The following DIP2C variants were observed in gnomAD, a reference collection of about 807,000 sequenced individuals.
DIP2C encodes disco-interacting protein 2 homolog C.
In DIP2C, 33 loss-of-function variants were observed where a neutral mutation model predicts 192.4. The ratio of observed to expected loss-of-function variants is 0.17; its 90% CI spans 0.13 to 0.23. DIP2C has a LOEUF of 0.23. DIP2C is among the 10% of genes least tolerant of loss of function. DIP2C has a pLI of 1.00. For synonymous variants in DIP2C, 979 were observed against 864.1 expected, an observed-to-expected ratio of 1.13 and a Z score of -2.33; for missense variants, 1,537 against 2,110.1, an observed-to-expected ratio of 0.73 and a Z score of 5.32.
intron 1 of DIP2C, among the ~76,000 whole-genome samples, chr10:646,268 G>A (rs928420915): frequency 6.6e-5 from 9 of 136,252 alleles, no homozygotes; most frequent in Middle Eastern, 7.1e-3. Flanking sequence ...CGTGCCCCCC[G>A]CACCCTGTCC....
intron 36 of DIP2C, among the ~76,000 whole-genome samples, chr10:280,013 A>G (rs1177019703): frequency 6.6e-6 from 1 of 152,246 alleles, no homozygotes; most frequent in Non-Finnish European, 1.5e-5. Context: ...TAGACGGAAA[A>G]TAAGGTAGGC....
At chr10:683,733 G>A (rs1831213470) in intron 1 of DIP2C, among the ~76,000 whole-genome samples, 1 of 152,232 alleles carries the variant, frequency 6.6e-6, no homozygotes, top group Non-Finnish European at 1.5e-5. Flanking sequence ...TGGTGACTCA[G>A]CCAATGTGCA....
chr10:664,017 A>AGGC (rs1856932091), intron 1 of DIP2C: 2 of 139,338 alleles, frequency 1.4e-5, no homozygotes, highest in African/African-American at 6.7e-5. Flanking sequence ...CAAAGACGGG[A>AGGC]AAAAACAAAG....
At chr10:337,046 A>AG (rs1957827908) in intron 29 of DIP2C, among the ~76,000 whole-genome samples, 2 of 8,048 alleles carry the variant, frequency 2.5e-4, no homozygotes, top group African/African-American at 5.0e-4. Context: ...GGAGGCCTAG[A>AG]CTGGTGTGTG....
intron 1 of DIP2C, among the ~76,000 whole-genome samples, chr10:642,186 C>T (rs1855227536): frequency 6.6e-6 from 1 of 152,216 alleles, no homozygotes; most frequent in African/African-American, 2.4e-5. Context: ...TGGTAACCTG[C>T]CCTTTCAGAT....
intron 32 of DIP2C, among the ~76,000 whole-genome samples, chr10:302,895 G>A (rs930472641): frequency 6.6e-6 from 1 of 152,198 alleles, no homozygotes; most frequent in African/African-American, 2.4e-5. Flanking sequence ...CAACATCACT[G>A]CACGTGGCTG....
intron 1 of DIP2C, among the ~76,000 whole-genome samples, chr10:618,442 C>G (rs916261819): frequency 6.6e-6 from 1 of 152,200 alleles, no homozygotes; most frequent in Non-Finnish European, 1.5e-5. Flanking sequence ...GCTGACCTGC[C>G]CACATTTCTC....
chr10:439,261 T>C (rs1967524318), intron 4 of DIP2C, among the ~76,000 whole-genome samples: 1 of 150,034 alleles, frequency 6.7e-6, no homozygotes, highest in African/African-American at 2.5e-5. Flanking sequence ...TTCACTCCCT[T>C]GCCCGCTAGC....
chr10:477,204 G>GA (rs1243633206), intron 2 of DIP2C, among the ~76,000 whole-genome samples: 2 of 139,654 alleles, frequency 1.4e-5, no homozygotes, highest in Non-Finnish European at 3.1e-5. Flanking sequence ...TAGACAAATG[G>GA]ATGGAAACAC....
rs749058165 is a variant in DIP2C at position 288,387 on chromosome 10, G to A, written c.4021C>T (p.Leu1341=). Residue 1341 remains leucine (L), a synonymous_variant, in exon 33 of 37, where the codon CTG becomes TTG. Transcript: ENST00000280886. ...RLVERGSPHS[L]PLMESGKILP... ...ACCTTTCCCGATTCCATCAGGGGCA[G>A]ACTATGAGGGGATCCTCTTTCCACT... 2.5e-6 allele frequency: 4 copies of A among 1,613,996 alleles called. No individual in the cohort carries two copies. Among genetic ancestry groups the A allele is most frequent in the Admixed American group, 1.7e-5 (1 of 59,992 alleles).
intron 25 of DIP2C, 30 bp from the exon 26 acceptor site, chr10:348,792 A>C (rs1188070197): frequency 2.5e-6 from 4 of 1,611,384 alleles, no homozygotes; most frequent in Non-Finnish European, 3.4e-6. Flanking sequence ...TCATCATTGA[A>C]GCAGACCACG....
chr10:360,966 T>C (rs1959405479), intron 22 of DIP2C, among the ~76,000 whole-genome samples: 1 of 152,116 alleles, frequency 6.6e-6, no homozygotes, highest in Admixed American at 6.5e-5. Flanking sequence ...GAAGGGGCCT[T>C]AGAAATCATC....
At chr10:279,819 G>A (rs1054148370) in intron 36 of DIP2C, among the ~76,000 whole-genome samples, 5 of 152,220 alleles carry the variant, frequency 3.3e-5, no homozygotes, top group South Asian at 2.1e-4. Context: ...TAACAGCAGC[G>A]ACATTTGTTA....
chr10:517,465 G>A (rs369327054), intron 1 of DIP2C, among the ~76,000 whole-genome samples: 1 of 152,180 alleles, frequency 6.6e-6, no homozygotes. Flanking sequence ...GTGTCTGAAA[G>A]CTCCATGAAG....
chr10:404,901 G>A (rs1463912528), intron 9 of DIP2C, among the ~76,000 whole-genome samples: 2 of 152,250 alleles, frequency 1.3e-5, no homozygotes, highest in Non-Finnish European at 2.9e-5. Context: ...CGGACTGAGA[G>A]CTGATGGCAT....
intron 17 of DIP2C, 123 bp from the exon 18 acceptor site, chr10:369,756 C>A (rs1235824525): frequency 1.0e-5 from 16 of 1,528,374 alleles, no homozygotes; most frequent in African/African-American, 1.4e-5. Context: ...ACCCCAGGCA[C>A]AGTGCTGGCT....
At chr10:609,044 A>G (rs1852881121) in intron 1 of DIP2C, among the ~76,000 whole-genome samples, 1 of 152,112 alleles carries the variant, frequency 6.6e-6, no homozygotes, top group Admixed American at 6.5e-5. Context: ...CTTTACCAGT[A>G]TAGTCATATA....
intron 1 of DIP2C, among the ~76,000 whole-genome samples, chr10:556,530 TCAACAGC>T: frequency 6.6e-6 from 1 of 150,430 alleles, no homozygotes; most frequent in African/African-American, 2.5e-5. Context: ...CTCAGCAAAC[TCAACAGC>T]CTTAGACTGA....
rs565583007 is a variant in DIP2C, at chr10:408,946, T to C, written c.1129A>G (p.Met377Val). The change falls in exon 9 of 37, where the codon ATG becomes GTG. Residue 377 changes from methionine (M) to valine (V), a missense_variant. This residue lies in a region of DIP2C where 473 missense variants were observed against 539.6 expected (regional missense o/e 0.88). Coordinates refer to ENST00000280886, the MANE Select transcript of DIP2C (RefSeq NM_014974.3). ...CTTACCCTATCTCCAGGCCGGACCA[T>C]GGGTTCCTGCTTTGTGCCTAATTTG... ...LHKLGTKQEP[M>V]VRPGDRVALV... 19 of 1,614,112 alleles carry C rather than the reference T, an allele frequency of 1.2e-5. No individual in the cohort carries two copies. Among genetic ancestry groups the C allele is most frequent in the African/African-American group, 1.3e-5 (1 of 74,940 alleles).
Sources: allele counts gnomAD v4.1 joint callset (sites outside exome capture counted in the v4.1 genomes callset), GRCh38; gene constraint gnomAD v4.1.1; regional missense constraint gnomAD v4.1.1; transcripts MANE v1.5; gene names NCBI Gene and HGNC (gene_info 2026-07-23, HGNC 2026-07-21).